Variants in PKHD1L1 observed in about 807,000 individuals in gnomAD.
The protein encoded by PKHD1L1 is fibrocystin-L.
Under a neutral mutation model 462.9 loss-of-function variants are expected in PKHD1L1, and 434 were observed. That is an observed-to-expected ratio of 0.94 (90% confidence interval 0.87 to 1.02). The LOEUF is 1.02. Ranked by LOEUF, PKHD1L1 falls within the 50% of genes least tolerant of loss-of-function variation. The probability of loss-of-function intolerance (pLI) is 0.00; values close to 1 mark genes in which losing one functional copy is unlikely to be tolerated. For synonymous variants in PKHD1L1, 1,781 were observed against 1,750.0 expected, an observed-to-expected ratio of 1.02 and a Z score of -0.44; for missense variants, 5,202 against 5,096.1, an observed-to-expected ratio of 1.02 and a Z score of -0.63.
At position 109,518,308 on chromosome 8, in the gene PKHD1L1, T is replaced by G. The variant is rs759739574; in HGVS notation, c.11831T>G (p.Leu3944Ter). The change falls in exon 73 of 78, where the codon TTA becomes TGA. Residue 3944 changes from leucine (L) to a stop codon, truncating the protein, a stop_gained. Coordinates refer to ENST00000378402, the MANE Select transcript of PKHD1L1 (RefSeq NM_177531.6). LOFTEE classifies it high-confidence loss of function. Reference sequence around the variant, plus strand: ...ACAGTGATATTTGTTTCTTTCCAATTATCTGTTGCAACAGAAGATGACTTT... The same window carrying G: ...ACAGTGATATTTGTTTCTTTCCAATGATCTGTTGCAACAGAAGATGACTTT... Reference protein sequence around the residue: ...TATVIFVSFQLSVATEDDFYT... With the variant: ...TATVIFVSFQ 1 of 1,613,178 alleles carries G rather than the reference T, an allele frequency of 6.2e-7. No individual in the cohort carries two copies. Among genetic ancestry groups the G allele is most frequent in the South Asian group, 1.1e-5 (1 of 91,064 alleles).
intron 77 of PKHD1L1, among the ~76,000 whole-genome samples, chr8:109,529,237 A>G (rs976245369): frequency 1.3e-5 from 2 of 152,156 alleles, no homozygotes; most frequent in Admixed American, 1.3e-4. Context: ...CTCCTAATGG[A>G]AGAAATTAAT....
At chr8:109,375,552 G>A (rs1811771083) in intron 2 of PKHD1L1, among the ~76,000 whole-genome samples, 1 of 152,168 alleles carries the variant, frequency 6.6e-6, no homozygotes. Flanking sequence ...GAGGAGCTGT[G>A]TTCCTTTGGA....
chr8:109,409,867 T>G lies in PKHD1L1; in HGVS notation c.1974T>G (p.Phe658Leu). Residue 658 changes from phenylalanine to leucine, a missense_variant and splice_region_variant, in exon 19 of 78, where the codon TTT (phenylalanine) becomes TTG (leucine). Transcript: ENST00000378402. ...TAATGTTTATATTGTTAATTTAGTT[T>G]CAGGGAGCAGTGGAAGAAATGGTTA... The part of the protein sequence containing the change: ...PLTLWSSEAE[F>L]QGAVEEMVST... The G allele has an allele frequency of 6.4e-7, 1 of 1,569,150 alleles. No individual in the cohort carries two copies. Among genetic ancestry groups the G allele is most frequent in the East Asian group, 2.3e-5 (1 of 43,504 alleles).
chr8:109,498,507 G>T lies in PKHD1L1; in HGVS notation c.10645G>T (p.Val3549Phe), dbSNP rs375850926. Residue 3549 changes from valine (V) to phenylalanine (F), a missense_variant, in exon 66 of 78, where the codon GTC becomes TTC. Val to Phe is a conservative substitution (Grantham distance 50). Around this residue, in one of 3 missense-constraint regions of PKHD1L1, gnomAD observed 4,497 missense variants for 4,336.8 expected, o/e 1.04. Transcript: ENST00000378402. The part of the protein sequence containing the change: ...GSSPGFNCSD[V>F]LTNDDPNIEL... ...TAGCCCTGGGTTTAATTGCTCTGAT[G>T]TCCTAACTAATGATGATCCTAATAT... 1 of 1,613,582 alleles carries T rather than the reference G, an allele frequency of 6.2e-7. No individual in the cohort carries two copies. The highest frequency in any genetic ancestry group is 1.3e-5 in the African/African-American group (1 of 74,900).
chr8:109,526,779 TCCAGGA>T lies in PKHD1L1; in HGVS notation c.12485-4_12486del. 1.3e-6 allele frequency: 2 copies of T among 1,544,912 alleles called. No individual in the cohort carries two copies. Among genetic ancestry groups the T allele is most frequent in the Admixed American group, 2.0e-5 (1 of 50,362 alleles). ...ATCAAACACTATGATGCTTTTTTTT[TCCAGGA>T]AAAAATTATAAGATTGAATTTATAC... is the stretch of plus-strand genomic sequence containing the variant. On this transcript the variant is annotated splice_acceptor_variant and splice_polypyrimidine_tract_variant and coding_sequence_variant and intron_variant, in exon 77 of 78. Transcript: ENST00000378402. LOFTEE classifies it high-confidence loss of function.
At chr8:109,510,068 G>A (rs1457026728) in intron 70 of PKHD1L1, among the ~76,000 whole-genome samples, 1 of 152,102 alleles carries the variant, frequency 6.6e-6, no homozygotes, top group Non-Finnish European at 1.5e-5. Flanking sequence ...TTGATAGAGT[G>A]TTATTTCTTA....
Position 109,362,605 on chromosome 8 carries a change from A to G in PKHD1L1, c.25A>G (p.Ile9Val). The change falls in exon 1 of 78, where the codon ATT (isoleucine) becomes GTT (valine). Residue 9 changes from isoleucine (I) to valine (V), a missense_variant. Transcript: ENST00000378402. ...AATGGGACACCTGTGGCTCCTGGGTATTTGGGGCCTCTGTGGGCTGCTCCT... is the reference window on the plus strand; with the variant it reads ...AATGGGACACCTGTGGCTCCTGGGTGTTTGGGGCCTCTGTGGGCTGCTCCT... Reference protein sequence around the residue: MGHLWLLGIWGLCGLLLCA... With the variant: MGHLWLLGVWGLCGLLLCA... The G allele has an allele frequency of 5.0e-6, 8 of 1,609,914 alleles. No individual in the cohort carries two copies. The highest frequency in any genetic ancestry group is 6.8e-6 in the Non-Finnish European group (8 of 1,178,214).
At chr8:109,441,496 T>C (rs1273771480) in intron 34 of PKHD1L1, 117 bp downstream of exon 34, 2 of 718,304 alleles carry the variant, frequency 2.8e-6, no homozygotes, top group Non-Finnish European at 4.4e-6. Flanking sequence ...ATTTCTTTTA[T>C]AATTTGTCAG....
chr8:109,426,933 G>A (rs1287810278), intron 24 of PKHD1L1, 69 bp from the exon 25 acceptor site: 2 of 895,056 alleles, frequency 2.2e-6, no homozygotes, highest in Non-Finnish European at 3.7e-6. Flanking sequence ...GATTACAGGC[G>A]TGAACCACCA....
At chr8:109,447,665 T>G (rs1222416138) in intron 38 of PKHD1L1, among the ~76,000 whole-genome samples, 1 of 152,226 alleles carries the variant, frequency 6.6e-6, no homozygotes, top group Non-Finnish European at 1.5e-5. Context: ...ATATCATAAT[T>G]TCTTTACCAA....
At chr8:109,371,822 G>A (rs529047151) in intron 2 of PKHD1L1, among the ~76,000 whole-genome samples, 51 of 152,142 alleles carry the variant, frequency 3.4e-4, no homozygotes, top group African/African-American at 1.1e-3. Flanking sequence ...GTAGATATGC[G>A]GCATTATTTC....
Position 109,523,384 on chromosome 8 carries a change from C to G in PKHD1L1, c.12482C>G (p.Thr4161Arg), listed in dbSNP as rs753192841. Reference protein sequence around the residue: ...ANYTDLTPLRTGKNYKIEFIL... With the variant: ...ANYTDLTPLRRGKNYKIEFIL... ...TACACAGACCTTACTCCCCTTAGAACAGGTGGGTGCACTATTTTGGATCCT... is the reference window on the plus strand; with the variant it reads ...TACACAGACCTTACTCCCCTTAGAAGAGGTGGGTGCACTATTTTGGATCCT... The change falls in exon 76 of 78, where the codon ACA becomes AGA. Residue 4161 changes from threonine (T) to arginine (R), a missense_variant and splice_region_variant. Thr to Arg is a moderately conservative substitution (Grantham distance 71). Transcript: ENST00000378402. 1.2e-6 allele frequency: 2 copies of G among 1,609,402 alleles called. No homozygotes were observed. Among genetic ancestry groups the G allele is most frequent in the Admixed American group, 1.7e-5 (1 of 59,588 alleles).
Position 109,406,390 on chromosome 8 carries a change from CT to C in PKHD1L1, c.1726del (p.Trp576GlyfsTer3). ...TACTGCAATCAGCCTTGAATGACCT[CT>C]GGTCTATAAAACCGGACACAGTTCA... Reference protein sequence around the residue: ...FILQSALNDLWSIKPDTVQVI... With the variant: ...FILQSALNDLXSIKPDTVQVI... On this transcript the variant is annotated frameshift_variant, in exon 17 of 78. Transcript: ENST00000378402. LOFTEE classifies it high-confidence loss of function. 1.3e-6 allele frequency: 2 copies of C among 1,571,826 alleles called. No individual in the cohort carries two copies. The highest frequency in any genetic ancestry group is 1.7e-6 in the Non-Finnish European group (2 of 1,157,246).
intron 59 of PKHD1L1, 24 bp from the exon 60 acceptor site, chr8:109,489,928 A>T: frequency 1.4e-6 from 2 of 1,444,994 alleles, no homozygotes; most frequent in Non-Finnish European, 1.9e-6. Context: ...AGAAAAACAA[A>T]TTTTAAATCT....
chr8:109,511,301 G>A (rs1042195293), intron 71 of PKHD1L1, among the ~76,000 whole-genome samples: 6 of 151,474 alleles, frequency 4.0e-5, no homozygotes, highest in African/African-American at 7.3e-5. Flanking sequence ...CCATTAACCC[G>A]TCATTTAGCA....
At chr8:109,461,982 G>A in intron 48 of PKHD1L1, 74 bp downstream of exon 48, 1 of 1,473,534 alleles carries the variant, frequency 6.8e-7, no homozygotes, top group Non-Finnish European at 9.1e-7. Context: ...TTGAACTCCT[G>A]CTGTTTGTCA....
Position 109,461,792 on chromosome 8 carries a change from T to C in PKHD1L1, c.7267T>C (p.Cys2423Arg). The C allele has an allele frequency of 3.1e-6, 5 of 1,609,614 alleles. No individual in the cohort carries two copies. The highest frequency in any genetic ancestry group is 1.1e-5 in the South Asian group (1 of 89,940). The change falls in exon 48 of 78, where the codon TGT becomes CGT. Residue 2423 changes from cysteine to arginine, a missense_variant. Around this residue, in one of 3 missense-constraint regions of PKHD1L1, gnomAD observed 4,497 missense variants for 4,336.8 expected, o/e 1.04. Transcript: ENST00000378402. ...FDTGEFATQT[C>R]LQGKFGEEIG... Reference sequence around the variant, plus strand: ...TGAAGGAGAATTTGCTACACAGACCTGTCTCCAAGGAAAGTTTGGAGAAGA... The same window carrying C: ...TGAAGGAGAATTTGCTACACAGACCCGTCTCCAAGGAAAGTTTGGAGAAGA...
chr8:109,378,928 G>C (rs751787027), intron 2 of PKHD1L1, among the ~76,000 whole-genome samples: 2 of 152,180 alleles, frequency 1.3e-5, no homozygotes, highest in Non-Finnish European at 2.9e-5. Flanking sequence ...TTCCGCAAGA[G>C]AACATCCCCC....
intron 21 of PKHD1L1, among the ~76,000 whole-genome samples, chr8:109,418,338 C>A (rs1814291251): frequency 6.6e-6 from 1 of 151,920 alleles, no homozygotes; most frequent in Admixed American, 6.6e-5. Context: ...GAGGTGGATC[C>A]CATGATGAGT....
Sources: allele counts gnomAD v4.1 joint callset (sites outside exome capture counted in the v4.1 genomes callset), GRCh38; gene constraint gnomAD v4.1.1; regional missense constraint gnomAD v4.1.1; transcripts MANE v1.5; gene names NCBI Gene and HGNC (gene_info 2026-07-23, HGNC 2026-07-21).